CASKIN1: variants seen among roughly 807,000 people sequenced by gnomAD.
CASKIN1 encodes caskin-1.
Under a neutral mutation model 117.5 loss-of-function variants are expected in CASKIN1, and 42 were observed. That is an observed-to-expected ratio of 0.36 (90% CI 0.28 to 0.46). CASKIN1 has a LOEUF of 0.46. Among genes scored for constraint, CASKIN1 ranks in the 20% least tolerant of loss-of-function variants. The pLI, the probability that CASKIN1 is intolerant of heterozygous loss-of-function variation, is 1.00. For synonymous variants in CASKIN1, 1,148 were observed against 961.7 expected, an observed-to-expected ratio of 1.19 and a Z score of -3.59; for missense variants, 2,083 against 2,077.3, an observed-to-expected ratio of 1.00 and a Z score of -0.05.
In CASKIN1 at chr16:2,189,166, AG is replaced by A; in HGVS notation, c.487-10del. 1.2e-6 allele frequency: 2 copies of A among 1,612,380 alleles called. No homozygotes were observed. Among genetic ancestry groups the A allele is most frequent in the Non-Finnish European group, 1.7e-6 (2 of 1,179,406 alleles). ...AGGAGCAGCTGGACCACCTTGAAGGAGGGGTCAGGGTAGGGGGGTCCTGATG... is the reference window on the plus strand; with the variant it reads ...AGGAGCAGCTGGACCACCTTGAAGGAGGGTCAGGGTAGGGGGGTCCTGATG... On this transcript the variant is annotated splice_polypyrimidine_tract_variant and intron_variant, in intron 5 of 19. Coordinates refer to ENST00000343516, the MANE Select transcript of CASKIN1 (RefSeq NM_020764.4).
At position 2,180,542 on chromosome 16, in the gene CASKIN1, C is replaced by T. The variant is rs1206670854; in HGVS notation, c.2826G>A (p.Lys942=). The change falls in exon 18 of 20, where the codon AAG becomes AAA. Residue 942 remains lysine (K), a synonymous_variant. Transcript: ENST00000343516. The part of the protein sequence containing the change: ...RSQSFAVRPR[K]KGPPPPPPKR... ...TGGGTGGGGGCGGCGGGGGCCCCTT[C>T]TTTCGGGGCCGCACGGCAAAGGACT... The T allele has an allele frequency of 9.7e-6, 15 of 1,544,002 alleles. No homozygotes were observed. The highest frequency in any genetic ancestry group is 1.7e-4 in the Middle Eastern group (1 of 5,830).
chr16:2,180,470 C>T lies in CASKIN1; in HGVS notation c.2898G>A (p.Pro966=), dbSNP rs769706479. The change falls in exon 18 of 20, where the codon CCG becomes CCA. Residue 966 remains proline (P), a synonymous_variant. Coordinates refer to ENST00000343516, the MANE Select transcript of CASKIN1 (RefSeq NM_020764.4). ...CATCCTCAGGCTCGGCGTCAGGCAC[C>T]GGCTCATCCGCCAGGTTGGCACTAG... The part of the protein sequence containing the change: ...ALASANLADE[P]VPDAEPEDGL... The T allele has an allele frequency of 2.9e-5, 45 of 1,552,028 alleles. No individual in the cohort carries two copies. The highest frequency in any genetic ancestry group is 1.8e-4 in the African/African-American group (13 of 73,734).
In CASKIN1 at chr16:2,182,715, A is replaced by T. The variant is rs554356845; in HGVS notation, c.1630-786T>A. Among the ~76,000 whole-genome samples, 1 of 152,298 alleles carries T rather than the reference A, an allele frequency of 6.6e-6. No individual in the cohort carries two copies. Among genetic ancestry groups the T allele is most frequent in the African/African-American group, 2.4e-5 (1 of 41,572 alleles). ...CCAGAGCTCAGTGTGAGGCCCAGAG[A>T]GTCCGCTTCAGTTGGGCTAGGCCTG... On this transcript the variant is annotated intron_variant, in intron 16 of 19. Coordinates refer to ENST00000343516, the MANE Select transcript of CASKIN1 (RefSeq NM_020764.4). This position sits in a 1 kb window ranked among gnomAD's most constrained non-coding sequence, Gnocchi z 4.1.
chr16:2,180,256 C>A lies in CASKIN1; in HGVS notation c.3112G>T (p.Gly1038Cys). 1 of 1,556,586 alleles carries A rather than the reference C, an allele frequency of 6.4e-7. No homozygotes were observed. The change falls in exon 18 of 20, where the codon GGC becomes TGC. Residue 1038 changes from glycine (G) to cysteine (C), a missense_variant. Coordinates refer to ENST00000343516, the MANE Select transcript of CASKIN1 (RefSeq NM_020764.4). Reference protein sequence around the residue: ...PTPRPASPEPGRVATVLASVK... With the variant: ...PTPRPASPEPCRVATVLASVK... The stretch of plus-strand genomic sequence containing the variant: ...GAGGCCAGCACGGTGGCCACCCGGC[C>A]CGGCTCTGGGCTGGCAGGGCGGGGA...
chr16:2,189,614 C>T (rs772718446), intron 3 of CASKIN1, 50 bp from the exon 4 acceptor site: 1 of 1,543,624 alleles, frequency 6.5e-7, no homozygotes, highest in East Asian at 2.3e-5. Context: ...CAAACCCAAC[C>T]CTGGAGGATA....
Position 2,182,376 on chromosome 16 carries a change from C to G in CASKIN1, c.1630-447G>C, listed in dbSNP as rs2093170874. The stretch of plus-strand genomic sequence containing the variant: ...CCGTTTCACACTCTGACCTCTCACC[C>G]ACATCACAGGGCCACACACATGCCA... On this transcript the variant is annotated intron_variant, in intron 16 of 19. Coordinates refer to ENST00000343516, the MANE Select transcript of CASKIN1 (RefSeq NM_020764.4). The surrounding 1 kb of genome is among the most constrained non-coding windows in gnomAD (Gnocchi z 4.1). Among the ~76,000 whole-genome samples, 1 of 152,118 alleles carries G rather than the reference C, an allele frequency of 6.6e-6. No individual in the cohort carries two copies. The highest frequency in any genetic ancestry group is 6.5e-5 in the Admixed American group (1 of 15,270).
In CASKIN1 at chr16:2,184,541, G is replaced by A. The variant is rs1257898077; in HGVS notation, c.1416+236C>T. ...CAGTCCCACCATCACACACACACAC[G>A]CACACACAGAGGCACAGGTTGGCCC... is the stretch of plus-strand genomic sequence containing the variant. On this transcript the variant is annotated intron_variant, in intron 14 of 19. Transcript: ENST00000343516. Among the ~76,000 whole-genome samples the A allele has an allele frequency of 4.6e-5, 7 of 151,994 alleles. No individual in the cohort carries two copies. In the East Asian group the frequency reaches 7.8e-4, roughly 17 times the overall value.
chr16:2,186,287 C>G (rs556861823), intron 10 of CASKIN1, among the ~76,000 whole-genome samples: 1 of 152,190 alleles, frequency 6.6e-6, no homozygotes, highest in Admixed American at 6.5e-5. Context: ...TTTTAACGCA[C>G]GGCTCCTGCC....
intron 6 of CASKIN1, 102 bp downstream of exon 6, chr16:2,188,925 C>T (rs923560838): frequency 2.1e-5 from 31 of 1,493,174 alleles, no homozygotes; most frequent in Non-Finnish European, 2.8e-5. Flanking sequence ...ACCCTGCCTG[C>T]TCCCGCCCTA....
chr16:2,185,619 C>T (rs966953732), intron 10 of CASKIN1, among the ~76,000 whole-genome samples: 6 of 152,224 alleles, frequency 3.9e-5, no homozygotes, highest in African/African-American at 1.4e-4. Flanking sequence ...GGCATCCTGC[C>T]GGTGGCCCTG....
At chr16:2,191,277 A>C (rs1247626023) in intron 1 of CASKIN1, among the ~76,000 whole-genome samples, 1 of 152,184 alleles carries the variant, frequency 6.6e-6, no homozygotes, top group Non-Finnish European at 1.5e-5. Flanking sequence ...GAGTCGAGGC[A>C]CAGGGCTGTC....
At position 2,180,713 on chromosome 16, in the gene CASKIN1, G is replaced by C. The variant is rs1184275960; in HGVS notation, c.2655C>G (p.Arg885=). 1 of 1,470,626 alleles carries C rather than the reference G, an allele frequency of 6.8e-7. No individual in the cohort carries two copies. Among genetic ancestry groups the C allele is most frequent in the Non-Finnish European group, 8.9e-7 (1 of 1,118,054 alleles). 91.1% of individuals were successfully genotyped at this position (1,470,626 alleles called of 1,614,324 possible). A position where few individuals can be genotyped will look rare whatever the true frequency, so the allele number is the denominator to read the frequency against. The change falls in exon 18 of 20, where the codon CGC becomes CGG. Residue 885 remains arginine (R), a synonymous_variant. Coordinates refer to ENST00000343516, the MANE Select transcript of CASKIN1 (RefSeq NM_020764.4). ...RPKKRAHSLN[R]YAASDSEPER... is the part of the protein sequence containing the mutation. ...CCGGCTCGCTGTCGGACGCCGCATA[G>C]CGATTCAGGCTGTGGGCCCGCTTCT...
chr16:2,179,642 C>A lies in CASKIN1; in HGVS notation c.3726G>T (p.Ser1242=). The A allele has an allele frequency of 6.7e-7, 1 of 1,489,338 alleles. No homozygotes were observed. The highest frequency in any genetic ancestry group is 8.9e-7 in the Non-Finnish European group (1 of 1,126,008). 92.3% of individuals were successfully genotyped at this position (1,489,338 alleles called of 1,614,324 possible). A position where few individuals can be genotyped will look rare whatever the true frequency, so the allele number is the denominator to read the frequency against. The stretch of plus-strand genomic sequence containing the variant: ...GCACCTTCTTGGAGGTGGGTGTGGG[C>A]GAGCCCTGGAGCTTGGGCACAGGCT... ...LTQPVPKLQG[S]PTPTSKKVPL... is the part of the protein sequence containing the mutation. Residue 1242 remains serine (S), a synonymous_variant, in exon 18 of 20, where the codon TCG becomes TCT. Coordinates refer to ENST00000343516, the MANE Select transcript of CASKIN1 (RefSeq NM_020764.4). This position sits in a 1 kb window ranked among gnomAD's most constrained non-coding sequence, Gnocchi z 5.8.
intron 16 of CASKIN1, among the ~76,000 whole-genome samples, chr16:2,183,332 C>T (rs1443373378): frequency 6.6e-6 from 1 of 152,158 alleles, no homozygotes; most frequent in Non-Finnish European, 1.5e-5. Flanking sequence ...TGCTTGGAGG[C>T]TTGGTGGCTG....
rs550446958 is a variant in CASKIN1, at chr16:2,181,641, G to A, written c.1769-42C>T. On this transcript the variant is annotated intron_variant, in intron 17 of 19. Transcript: ENST00000343516. ...GGGCAGGTCAGGTGGACCAGGAGGC[G>A]GAGGGGCAGGGGCCGGGCTAGGGGC... 101 of 1,524,812 alleles carry A rather than the reference G, an allele frequency of 6.6e-5. 1 individual carries two copies. The East Asian group carries it at 2.0e-3, about 30-fold the overall frequency. 94.5% of individuals were successfully genotyped at this position (1,524,812 alleles called of 1,614,324 possible). A position where few individuals can be genotyped will look rare whatever the true frequency, so the allele number is the denominator to read the frequency against.
At chr16:2,181,989 C>A (rs2093169712) in intron 16 of CASKIN1, 60 bp from the exon 17 acceptor site, 1 of 1,601,156 alleles carries the variant, frequency 6.2e-7, no homozygotes, top group African/African-American at 1.3e-5. Context: ...TGCCCATCTA[C>A]CTGGAGCTGG....
At position 2,180,241 on chromosome 16, in the gene CASKIN1, C is replaced by T. The variant is rs754825141; in HGVS notation, c.3127G>A (p.Val1043Met). The change falls in exon 18 of 20, where the codon GTG becomes ATG. Residue 1043 changes from valine to methionine, a missense_variant. This residue lies in a region of CASKIN1 where 1,818 missense variants were observed against 1,688.9 expected (regional missense o/e 1.08). Coordinates refer to ENST00000343516, the MANE Select transcript of CASKIN1 (RefSeq NM_020764.4). ...TCTTTGTGTTTCACTGAGGCCAGCACGGTGGCCACCCGGCCCGGCTCTGGG... is the reference window on the plus strand; with the variant it reads ...TCTTTGTGTTTCACTGAGGCCAGCATGGTGGCCACCCGGCCCGGCTCTGGG... ...ASPEPGRVAT[V>M]LASVKHKEAI... The T allele has an allele frequency of 9.0e-5, 139 of 1,553,034 alleles. No individual in the cohort carries two copies. Among genetic ancestry groups the T allele is most frequent in the Non-Finnish European group, 1.2e-4 (139 of 1,149,610 alleles).
chr16:2,178,426 G>A lies in CASKIN1; in HGVS notation c.*124C>T, dbSNP rs1175554624. On this transcript the variant is annotated 3_prime_UTR_variant, in exon 20 of 20. Transcript: ENST00000343516. ...GCGCCCCGGCCCGGGTCCAGGGGCCGGAGTTGTGCTTCTGCAGGGCCCTGC... is the reference window on the plus strand; with the variant it reads ...GCGCCCCGGCCCGGGTCCAGGGGCCAGAGTTGTGCTTCTGCAGGGCCCTGC... 2.5e-5 allele frequency: 17 copies of A among 673,228 alleles called. No individual in the cohort carries two copies. Among genetic ancestry groups the A allele is most frequent in the Middle Eastern group, 9.0e-4 (2 of 2,232 alleles). The allele number at this position is 673,228 out of a possible 1,614,324, so 41.7% of individuals were successfully genotyped here.
rs760233219 is a variant in CASKIN1 at position 2,180,509 on chromosome 16, G to A, written c.2859C>T (p.Ser953=). Residue 953 remains serine, a synonymous_variant, in exon 18 of 20, where the codon TCC becomes TCT. Coordinates refer to ENST00000343516, the MANE Select transcript of CASKIN1 (RefSeq NM_020764.4). ...GGTTGGCACTAGCCAGGGCCGAGCT[G>A]GAGCGCTTGGGTGGGGGCGGCGGGG... ...KGPPPPPPKR[S]SSALASANLA... 1 of 1,550,836 alleles carries A rather than the reference G, an allele frequency of 6.4e-7. No individual in the cohort carries two copies. Among genetic ancestry groups the A allele is most frequent in the Non-Finnish European group, 8.7e-7 (1 of 1,154,326 alleles).
Sources: allele counts gnomAD v4.1 joint callset (sites outside exome capture counted in the v4.1 genomes callset), GRCh38; gene constraint gnomAD v4.1.1; regional missense constraint gnomAD v4.1.1; non-coding constraint Gnocchi (gnomAD v3.1); transcripts MANE v1.5; gene names NCBI Gene and HGNC (gene_info 2026-07-23, HGNC 2026-07-21).